The following HEPH variants were observed in gnomAD, a reference collection of about 807,000 sequenced individuals.
HEPH encodes hephaestin.
Under a neutral mutation model 80.8 loss-of-function variants are expected in HEPH, and 69 were observed. The observed-to-expected ratio is 0.85, with a 90% CI of 0.70 to 1.04. The LOEUF is 1.04. Ranked by LOEUF, HEPH falls within the 50% of genes least tolerant of loss-of-function variation. The pLI is 0.00. For synonymous variants in HEPH, 431 were observed against 322.8 expected (o/e 1.34, Z -3.60); for missense variants, 1,115 against 891.3 (o/e 1.25, Z -3.20).
At chrX:66,256,036 C>T in intron 16 of HEPH, 69 bp from the exon 17 acceptor site, 1 of 811,075 alleles carries the variant, frequency 1.2e-6, no homozygotes, top group Non-Finnish European at 1.8e-6. Flanking sequence ...AAGCTGGCTC[C>T]CTGCGGAGTA....
At position 66,213,002 on chromosome X, in the gene HEPH, G is replaced by GT. The variant is rs201423191; in HGVS notation, c.2563+4764dup. Among the ~76,000 whole-genome samples, 32 of 107,224 alleles carry GT rather than the reference G, an allele frequency of 3.0e-4. No individual in the cohort carries two copies. The Middle Eastern group carries it at 0.014, about 48-fold the overall frequency. 93.1% of individuals were successfully genotyped at this position (107,224 alleles called of 115,157 possible). A position where few individuals can be genotyped will look rare whatever the true frequency, so the allele number is the denominator to read the frequency against. On this transcript the variant is annotated intron_variant, in intron 15 of 20. Transcript: ENST00000343002. Reference sequence around the variant, plus strand: ...TCAATTTCTTTCATCAGTGTTTGTAGTTTTTTTTAAATTAATTTATTTATT... The same window carrying GT: ...TCAATTTCTTTCATCAGTGTTTGTAGTTTTTTTTTAAATTAATTTATTTATT...
intron 15 of HEPH, among the ~76,000 whole-genome samples, chrX:66,239,279 G>A (rs2090478209): frequency 1.8e-5 from 2 of 111,688 alleles, no homozygotes. Flanking sequence ...TTGGGGACCA[G>A]GAATAAGTCC....
intron 15 of HEPH, among the ~76,000 whole-genome samples, chrX:66,220,112 C>A (rs2089577537): frequency 9.0e-6 from 1 of 110,987 alleles, no homozygotes; most frequent in South Asian, 3.9e-4. Context: ...TTCTTTTGAG[C>A]CAGGAATTCA....
rs192661606 is a variant in HEPH at position 66,219,598 on chromosome X, C to T, written c.2563+11352C>T. Among the ~76,000 whole-genome samples the T allele has an allele frequency of 6.9e-3, 766 of 111,324 alleles. 29 individuals carry two copies. The highest frequency in any genetic ancestry group is 0.064 in the Admixed American group (673 of 10,500). On this transcript the variant is annotated intron_variant, in intron 15 of 20. Transcript: ENST00000343002. ...CATGTAAATGGGGGTCGGGTATCCC[C>T]ACGAGCTGTCTTGTGCCAAAGTACC...
Position 66,192,194 on chromosome X carries a change from A to C in HEPH, c.1128A>C (p.Thr376=). The C allele has an allele frequency of 1.7e-6, 2 of 1,211,017 alleles. No homozygotes were observed. The highest frequency in any genetic ancestry group is 3.5e-5 in the South Asian group (2 of 56,923). ...TGGCCCCTCCTGTGGACCTGCTCAC[A>C]GGCAAAGTTCGACAGTACTTCATTG... The part of the protein sequence containing the change: ...CSMAPPVDLL[T]GKVRQYFIEA... Residue 376 remains threonine, a synonymous_variant, in exon 7 of 21, where the codon ACA becomes ACC. Coordinates refer to ENST00000343002, the MANE Select transcript of HEPH (RefSeq NM_001367233.3).
intron 15 of HEPH, among the ~76,000 whole-genome samples, chrX:66,228,630 A>G (rs752508643): frequency 5.2e-4 from 58 of 112,450 alleles, no homozygotes; most frequent in Non-Finnish European, 9.4e-4. Context: ...TAATCTATAC[A>G]TCTGACAAAG....
intron 15 of HEPH, among the ~76,000 whole-genome samples, chrX:66,234,489 C>T (rs1407127638): frequency 9.0e-6 from 1 of 111,092 alleles, no homozygotes; most frequent in Non-Finnish European, 1.9e-5. Context: ...GAGGAATCGC[C>T]ATACTGTTTT....
At chrX:66,169,125 T>C (rs746786901) in intron 1 of HEPH, among the ~76,000 whole-genome samples, 2 of 111,559 alleles carry the variant, frequency 1.8e-5, no homozygotes, top group Non-Finnish European at 3.8e-5. Context: ...TTGGGCAAAC[T>C]GCTTTACACC....
chrX:66,209,235 G>C (rs1349033132), intron 15 of HEPH, among the ~76,000 whole-genome samples: 1 of 112,115 alleles, frequency 8.9e-6, no homozygotes, highest in Admixed American at 9.5e-5. Flanking sequence ...TTAATCTAAT[G>C]TTTGAATAGT....
chrX:66,194,635 A>G (rs1418073539), intron 8 of HEPH, among the ~76,000 whole-genome samples: 1 of 111,674 alleles, frequency 9.0e-6, no homozygotes, highest in African/African-American at 3.3e-5. Context: ...TTGGTTTCAG[A>G]TTGAGGCAAG....
At chrX:66,220,304 C>A (rs1286633375) in intron 15 of HEPH, among the ~76,000 whole-genome samples, 1 of 111,587 alleles carries the variant, frequency 9.0e-6, no homozygotes, top group African/African-American at 3.3e-5. Context: ...TTCAGTTTAT[C>A]ATAGAAGGTT....
chrX:66,216,977 A>G (rs1221126358), intron 15 of HEPH, among the ~76,000 whole-genome samples: 1 of 111,508 alleles, frequency 9.0e-6, no homozygotes, highest in East Asian at 2.8e-4. Flanking sequence ...AACTCAATCC[A>G]ACAAAGACCA....
At chrX:66,268,609 A>C (rs967949879), downstream of HEPH, 1 of 111,970 alleles carries the variant, frequency 8.9e-6, no homozygotes, top group African/African-American at 3.2e-5. Flanking sequence ...TTTACATGCA[A>C]CTAGGAGGTT....
intron 13 of HEPH, among the ~76,000 whole-genome samples, chrX:66,206,337 A>G (rs1198451848): frequency 4.4e-5 from 1 of 22,892 alleles, no homozygotes; most frequent in Non-Finnish European, 1.3e-4. Context: ...GAAACCTGCC[A>G]TCTTTTTTTT....
chrX:66,254,935 A>C (rs2091125394), intron 15 of HEPH, 100 bp from the exon 16 acceptor site: 3 of 457,402 alleles, frequency 6.6e-6, no homozygotes, highest in Non-Finnish European at 1.1e-5. Flanking sequence ...AAAGATCCTA[A>C]AGAAGATGGG....
rs767918134 is a variant in HEPH, at chrX:66,197,668, A to G, written c.1502-15A>G. 1.7e-5 allele frequency: 20 copies of G among 1,186,286 alleles called. No homozygotes were observed. Among genetic ancestry groups the G allele is most frequent in the East Asian group, 5.9e-5 (2 of 33,674 alleles). The stretch of plus-strand genomic sequence containing the variant: ...CTAGTCAATCTAAGTAATGAGTCCC[A>G]TATTTTCACTACAGGCTCATCTTAC... On this transcript the variant is annotated splice_polypyrimidine_tract_variant and intron_variant, in intron 9 of 20. Transcript: ENST00000343002.
At chrX:66,223,710 C>A (rs1317118759) in intron 15 of HEPH, among the ~76,000 whole-genome samples, 2 of 111,321 alleles carry the variant, frequency 1.8e-5, no homozygotes, top group Non-Finnish European at 3.8e-5. Context: ...CATTTTAAAA[C>A]TTGCCAAAAC....
At chrX:66,199,422 G>T (rs1393259388) in intron 11 of HEPH, among the ~76,000 whole-genome samples, 1 of 108,739 alleles carries the variant, frequency 9.2e-6, no homozygotes, top group Non-Finnish European at 1.9e-5. Flanking sequence ...CTGATTTCAT[G>T]CTTTTGCAGT....
At chrX:66,218,268 C>G (rs1392451013) in intron 15 of HEPH, among the ~76,000 whole-genome samples, 1 of 111,742 alleles carries the variant, frequency 8.9e-6, no homozygotes, top group African/African-American at 3.3e-5. Context: ...CCAAGATAGA[C>G]TATATGATAG....
Sources: gnomAD v4.1 joint callset for allele counts (sites outside exome capture counted in the v4.1 genomes callset) on GRCh38, gnomAD v4.1.1 for gene constraint, MANE v1.5 for transcripts, NCBI Gene and HGNC (gene_info 2026-07-23, HGNC 2026-07-21) for gene names.